CD200R1: variants seen among roughly 807,000 people sequenced by gnomAD.
CD200R1 encodes the protein CD200 receptor 1.
Under a neutral mutation model 38.1 loss-of-function variants are expected in CD200R1, and 30 were observed. That is an observed-to-expected ratio of 0.79 (90% CI 0.59 to 1.07). The LOEUF is 1.07. Among genes scored for constraint, CD200R1 ranks in the 50% least tolerant of loss-of-function variants. CD200R1 has a pLI of 0.00. For synonymous variants in CD200R1, 128 were observed against 152.1 expected, an observed-to-expected ratio of 0.84 and a Z score of 1.16; for missense variants, 372 against 415.4, an observed-to-expected ratio of 0.90 and a Z score of 0.91.
chr3:112,925,054 G>T, intron 6 of CD200R1, 31 bp downstream of exon 6: 1 of 1,286,542 alleles, frequency 7.8e-7, no homozygotes, highest in Non-Finnish European at 1.1e-6. Context: ...TAATAAAGCT[G>T]AAGAAGAAAA....
At chr3:112,968,632 ACAGTTTTCTGAAGAACCAG>A (rs1180892836) in intron 1 of CD200R1, among the ~76,000 whole-genome samples, 7 of 152,230 alleles carry the variant, frequency 4.6e-5, no homozygotes, top group African/African-American at 1.7e-4. Flanking sequence ...TGGAAAGCCC[ACAGTTTTCTGAAGAACCAG>A]CAGGCAGATT....
intron 2 of CD200R1, among the ~76,000 whole-genome samples, chr3:112,934,227 AC>A (rs1386756198): frequency 4.6e-5 from 7 of 152,178 alleles, no homozygotes; most frequent in Non-Finnish European, 4.4e-5. Flanking sequence ...AATGATAAAA[AC>A]ACGCAAGAGA....
In CD200R1 at chr3:112,923,750, T is replaced by C. The variant is rs983302765; in HGVS notation, c.974A>G (p.Tyr325Cys). 3.7e-6 allele frequency: 6 copies of C among 1,609,114 alleles called. No homozygotes were observed. The highest frequency in any genetic ancestry group is 4.2e-6 in the Non-Finnish European group (5 of 1,177,028). ...ASYTEKNNPL[Y>C]DTTNKVKASE... ...TGCCTTCACCTTGTTTGTAGTATCATAGAGAGGATTGTTCTTCTCTGTGTA... is the reference window on the plus strand; with the variant it reads ...TGCCTTCACCTTGTTTGTAGTATCACAGAGAGGATTGTTCTTCTCTGTGTA... Residue 325 changes from tyrosine to cysteine, a missense_variant, in exon 8 of 8, where the codon TAT (tyrosine) becomes TGT (cysteine). Coordinates refer to ENST00000308611, the MANE Select transcript of CD200R1 (RefSeq NM_138806.4).
At chr3:112,938,180 G>A (rs112570747) in intron 2 of CD200R1, among the ~76,000 whole-genome samples, 18 of 152,042 alleles carry the variant, frequency 1.2e-4, no homozygotes, top group African/African-American at 3.6e-4. Flanking sequence ...AATTTTCTTT[G>A]TTTCTTTCTC....
intron 2 of CD200R1, among the ~76,000 whole-genome samples, chr3:112,938,812 C>T (rs1032016698): frequency 5.3e-5 from 8 of 151,946 alleles, no homozygotes; most frequent in African/African-American, 1.9e-4. Flanking sequence ...GATACAAAAA[C>T]CAGATAAGAC....
intron 2 of CD200R1, among the ~76,000 whole-genome samples, chr3:112,940,735 G>A (rs1299442097): frequency 1.3e-5 from 2 of 151,760 alleles, no homozygotes; most frequent in Non-Finnish European, 3.0e-5. Context: ...ATGAAGAATA[G>A]TATGGAAGTT....
At chr3:112,974,252 A>G (rs1391895382) in intron 1 of CD200R1, among the ~76,000 whole-genome samples, 2 of 152,146 alleles carry the variant, frequency 1.3e-5, no homozygotes, top group African/African-American at 2.4e-5. Context: ...CATGGACAAT[A>G]TAGCAAGACT....
At chr3:112,941,176 G>A (rs962406101) in intron 2 of CD200R1, among the ~76,000 whole-genome samples, 58 of 151,526 alleles carry the variant, frequency 3.8e-4, no homozygotes, top group African/African-American at 1.3e-3. Context: ...GGGGAATAGA[G>A]GAAATTTGTT....
At chr3:112,946,081 A>G (rs9864295) in intron 2 of CD200R1, among the ~76,000 whole-genome samples, 89,873 of 148,156 alleles carry the variant, frequency 0.61, 27,702 homozygotes, top group African/African-American at 0.72. Context: ...CCACATACTA[A>G]AAAAAAAATA....
At chr3:112,938,565 GGAAAACCTCA>G (rs1297023494) in intron 2 of CD200R1, among the ~76,000 whole-genome samples, 2 of 151,850 alleles carry the variant, frequency 1.3e-5, no homozygotes, top group African/African-American at 4.8e-5. Context: ...AACAAGAAAT[GGAAAACCTCA>G]GTCCAATAAT....
chr3:112,921,468 A>G lies in CD200R1; in HGVS notation c.*2209T>C, dbSNP rs554601576. On this transcript the variant is annotated 3_prime_UTR_variant, in exon 8 of 8. Coordinates refer to ENST00000308611, the MANE Select transcript of CD200R1 (RefSeq NM_138806.4). The stretch of plus-strand genomic sequence containing the variant: ...AAGAGAGAGAGACAGAGAAAGAGAG[A>G]GAAAATTGACAAATCTAGCAAAGCA... 6.6e-6 allele frequency: 1 copy of G among 152,210 alleles called. No homozygotes were observed. Among genetic ancestry groups the G allele is most frequent in the Admixed American group, 6.6e-5 (1 of 15,246 alleles). 9.4% of individuals were successfully genotyped at this position (152,210 alleles called of 1,614,324 possible). A position where few individuals can be genotyped will look rare whatever the true frequency, so the allele number is the denominator to read the frequency against.
chr3:112,931,976 A>T (rs537544001), intron 2 of CD200R1, among the ~76,000 whole-genome samples: 1 of 152,260 alleles, frequency 6.6e-6, no homozygotes, highest in Non-Finnish European at 1.5e-5. Context: ...ACATAAGCAG[A>T]AGAACCCCAC....
chr3:112,924,624 T>C, intron 6 of CD200R1, 89 bp from the exon 7 acceptor site: 1 of 760,672 alleles, frequency 1.3e-6, no homozygotes, highest in South Asian at 5.2e-5. Flanking sequence ...CTATTGACAA[T>C]TGTGTTTAAT....
chr3:112,946,704 T>C (rs9847757), intron 2 of CD200R1, among the ~76,000 whole-genome samples: 21,574 of 152,148 alleles, frequency 0.14, 2,165 homozygotes, highest in African/African-American at 0.28. Flanking sequence ...AAGTGGTACA[T>C]CTACTTTGAA....
chr3:112,935,635 A>C (rs1285005074), intron 2 of CD200R1, among the ~76,000 whole-genome samples: 1 of 152,210 alleles, frequency 6.6e-6, no homozygotes, highest in East Asian at 1.9e-4. Flanking sequence ...AAAAGTAGTA[A>C]TATTTCAAAT....
At chr3:112,940,211 A>T (rs1940695868) in intron 2 of CD200R1, among the ~76,000 whole-genome samples, 1 of 151,922 alleles carries the variant, frequency 6.6e-6, no homozygotes, top group Non-Finnish European at 1.5e-5. Flanking sequence ...AGAAACTATA[A>T]AACTGCTAGA....
At chr3:112,949,631 T>C (rs1342302041) in intron 1 of CD200R1, among the ~76,000 whole-genome samples, 2 of 152,246 alleles carry the variant, frequency 1.3e-5, no homozygotes, top group Non-Finnish European at 1.5e-5. Context: ...GTCTTACTGC[T>C]ATGAGTAGAA....
chr3:112,972,775 T>C (rs1466275179), intron 1 of CD200R1, among the ~76,000 whole-genome samples: 1 of 152,262 alleles, frequency 6.6e-6, no homozygotes, highest in Non-Finnish European at 1.5e-5. Flanking sequence ...ATGTTTTACA[T>C]TTAAGTCATT....
At chr3:112,951,838 T>C (rs1940975164) in intron 1 of CD200R1, among the ~76,000 whole-genome samples, 1 of 151,226 alleles carries the variant, frequency 6.6e-6, no homozygotes, top group African/African-American at 2.4e-5. Context: ...AAGACCTGTA[T>C]ACTGAAAACT....
Sources: gnomAD v4.1 joint callset for allele counts (sites outside exome capture counted in the v4.1 genomes callset) on GRCh38, gnomAD v4.1.1 for gene constraint, MANE v1.5 for transcripts, NCBI Gene and HGNC (gene_info 2026-07-23, HGNC 2026-07-21) for gene names.